The following ZDHHC14 variants were observed in gnomAD, a reference collection of about 807,000 sequenced individuals.
The protein encoded by ZDHHC14 is zDHHC palmitoyltransferase 14.
Under a neutral mutation model 47.7 loss-of-function variants are expected in ZDHHC14, and 16 were observed. The ratio of observed to expected loss-of-function variants is 0.34; its 90% CI spans 0.23 to 0.51. ZDHHC14 has a LOEUF of 0.51. ZDHHC14 is among the 20% of genes least tolerant of loss of function. ZDHHC14 has a pLI of 0.97. For missense variants in ZDHHC14, 515 were observed against 662.5 expected (o/e 0.78, Z 2.44); for synonymous variants, 293 against 278.9 (o/e 1.05, Z -0.50).
intron 8 of ZDHHC14, among the ~76,000 whole-genome samples, chr6:157,655,262 G>A (rs536146280): frequency 2.0e-5 from 3 of 152,196 alleles, no homozygotes; most frequent in Non-Finnish European, 4.4e-5. Flanking sequence ...AGGGCGCGTG[G>A]TGGTCAGCAC....
At chr6:157,396,003 G>A (rs1483252388) in intron 1 of ZDHHC14, among the ~76,000 whole-genome samples, 1 of 151,952 alleles carries the variant, frequency 6.6e-6, no homozygotes, top group African/African-American at 2.4e-5. Flanking sequence ...AGTTGATTTA[G>A]GTCTGCTTTT....
chr6:157,654,900 A>C (rs1414234319), intron 8 of ZDHHC14, among the ~76,000 whole-genome samples: 1 of 151,870 alleles, frequency 6.6e-6, no homozygotes, highest in Non-Finnish European at 1.5e-5. Flanking sequence ...CATGCAGGCT[A>C]ATTTTTGTAT....
intron 1 of ZDHHC14, among the ~76,000 whole-genome samples, chr6:157,518,930 G>A (rs1281584601): frequency 6.6e-6 from 1 of 152,230 alleles, no homozygotes; most frequent in Non-Finnish European, 1.5e-5. Context: ...CCATACGGCG[G>A]CCAGCCAAGA....
intron 1 of ZDHHC14, among the ~76,000 whole-genome samples, chr6:157,527,190 G>A (rs1251995580): frequency 2.6e-5 from 4 of 152,154 alleles, no homozygotes; most frequent in African/African-American, 9.7e-5. Context: ...GCAACTGGGT[G>A]CCTGAAAGCA....
At chr6:157,517,673 G>A (rs1318254073) in intron 1 of ZDHHC14, among the ~76,000 whole-genome samples, 4 of 152,076 alleles carry the variant, frequency 2.6e-5, no homozygotes, top group South Asian at 2.1e-4. Flanking sequence ...ATCCCAAACC[G>A]GCGACTCCTG....
chr6:157,570,743 ATG>A (rs1783063324), intron 2 of ZDHHC14, among the ~76,000 whole-genome samples: 1 of 149,052 alleles, frequency 6.7e-6, no homozygotes, highest in African/African-American at 2.6e-5. Flanking sequence ...TGATATATAT[ATG>A]TATATACATA....
Position 157,673,155 on chromosome 6 carries a change from G to A in ZDHHC14, c.*33G>A, listed in dbSNP as rs765429539. On this transcript the variant is annotated 3_prime_UTR_variant, in exon 9 of 9. Coordinates refer to ENST00000359775, the MANE Select transcript of ZDHHC14 (RefSeq NM_024630.3). This position sits in a 1 kb window ranked among gnomAD's most constrained non-coding sequence, Gnocchi z 5.4. ...GGCCCCAGGCCGGGGGACACCAGAGGCTCCTCCATGGGCAGCAGGAGTGAG... is the reference window on the plus strand; with the variant it reads ...GGCCCCAGGCCGGGGGACACCAGAGACTCCTCCATGGGCAGCAGGAGTGAG... 1.3e-6 allele frequency: 2 copies of A among 1,535,612 alleles called. No individual in the cohort carries two copies. Among genetic ancestry groups the A allele is most frequent in the South Asian group, 2.4e-5 (2 of 82,412 alleles).
Position 157,606,423 on chromosome 6 carries a change from G to A in ZDHHC14, c.565+13277G>A, listed in dbSNP as rs139418725. Among the ~76,000 whole-genome samples the A allele has an allele frequency of 7.0e-3, 1,071 of 152,204 alleles. 4 individuals carry two copies. The highest frequency in any genetic ancestry group is 0.012 in the Non-Finnish European group (829 of 68,016). The stretch of plus-strand genomic sequence containing the variant: ...GGAGGTTACAGTGAGCAGAGATCGC[G>A]CCACTGCATTCCAACCTGGGGGACA... On this transcript the variant is annotated intron_variant, in intron 3 of 8. Transcript: ENST00000359775.
intron 1 of ZDHHC14, among the ~76,000 whole-genome samples, chr6:157,484,901 C>T (rs377545156): frequency 6.6e-6 from 1 of 152,042 alleles, no homozygotes; most frequent in Non-Finnish European, 1.5e-5. Flanking sequence ...TAATAGCGAC[C>T]AGCCTGGCCA....
intron 2 of ZDHHC14, among the ~76,000 whole-genome samples, chr6:157,584,391 C>G (rs1389893235): frequency 6.6e-6 from 1 of 152,212 alleles, no homozygotes; most frequent in East Asian, 1.9e-4. Context: ...ACTACAGCTG[C>G]AATGGTAGGA....
At chr6:157,515,098 C>CT (rs1780633795) in intron 1 of ZDHHC14, among the ~76,000 whole-genome samples, 1 of 152,132 alleles carries the variant, frequency 6.6e-6, no homozygotes, top group Non-Finnish European at 1.5e-5. Context: ...GAATCTGTGG[C>CT]TAGAAGGTTG....
chr6:157,620,296 C>G (rs527450606), intron 3 of ZDHHC14, among the ~76,000 whole-genome samples: 3 of 152,136 alleles, frequency 2.0e-5, no homozygotes, highest in Admixed American at 2.0e-4. Flanking sequence ...TCAGGTCTCC[C>G]TTCCTCCTCT....
chr6:157,382,368 G>C (rs1423650756), intron 1 of ZDHHC14, 102 bp downstream of exon 1: 3 of 1,385,622 alleles, frequency 2.2e-6, no homozygotes, highest in Non-Finnish European at 3.0e-6. Flanking sequence ...CTTATCTACT[G>C]TAAATTGTTA....
chr6:157,575,284 C>T (rs1241603289), intron 2 of ZDHHC14, among the ~76,000 whole-genome samples: 1 of 152,222 alleles, frequency 6.6e-6, no homozygotes, highest in Non-Finnish European at 1.5e-5. Context: ...TTAATCTCAT[C>T]TAAAAAATAT....
chr6:157,575,798 C>T (rs1263228708), intron 2 of ZDHHC14, among the ~76,000 whole-genome samples: 1 of 152,174 alleles, frequency 6.6e-6, no homozygotes, highest in African/African-American at 2.4e-5. Flanking sequence ...TCCAACAGAC[C>T]GTAAATTCCT....
At chr6:157,504,294 G>A (rs180981083) in intron 1 of ZDHHC14, among the ~76,000 whole-genome samples, 176 of 151,370 alleles carry the variant, frequency 1.2e-3, no homozygotes, top group African/African-American at 4.0e-3. Flanking sequence ...TGCAAGCTCC[G>A]CCTCCCGGGT....
intron 1 of ZDHHC14, among the ~76,000 whole-genome samples, chr6:157,506,961 T>C (rs149944219): frequency 6.6e-5 from 10 of 152,228 alleles, no homozygotes; most frequent in Non-Finnish European, 1.5e-4. Flanking sequence ...AAAGGCCAAA[T>C]TGTGCTAAAA....
intron 2 of ZDHHC14, among the ~76,000 whole-genome samples, chr6:157,554,003 G>A (rs145388862): frequency 6.6e-6 from 1 of 152,144 alleles, no homozygotes; most frequent in Admixed American, 6.5e-5. Flanking sequence ...ACCTTCCAAG[G>A]CTTTTAGAGA....
chr6:157,432,644 G>A (rs577043035), intron 1 of ZDHHC14, among the ~76,000 whole-genome samples: 2 of 152,324 alleles, frequency 1.3e-5, no homozygotes, highest in African/African-American at 4.8e-5. Context: ...CTGCGTGAGA[G>A]AATGAATGGT....
Sources: allele counts gnomAD v4.1 joint callset (sites outside exome capture counted in the v4.1 genomes callset), GRCh38; gene constraint gnomAD v4.1.1; non-coding constraint Gnocchi (gnomAD v3.1); transcripts MANE v1.5; gene names NCBI Gene and HGNC (gene_info 2026-07-23, HGNC 2026-07-21).